Variants in SOX5 observed in about 807,000 individuals in gnomAD.
SOX5 encodes SRY-box transcription factor 5.
Under a neutral mutation model 92.0 loss-of-function variants are expected in SOX5, and 9 were observed. That is an observed-to-expected ratio of 0.10 (90% CI 0.06 to 0.17). The LOEUF (loss-of-function observed/expected upper bound fraction) is 0.17, where lower values mean the gene tolerates loss of function less well. SOX5 is among the 10% of genes least tolerant of loss of function. The pLI is 1.00. For synonymous variants in SOX5, 344 were observed against 336.3 expected, an observed-to-expected ratio of 1.02 and a Z score of -0.25; for missense variants, 642 against 944.5, an observed-to-expected ratio of 0.68 and a Z score of 4.20.
chr12:23,968,013 G>T (rs1185795947), intron 4 of SOX5, among the ~76,000 whole-genome samples: 5 of 152,110 alleles, frequency 3.3e-5, no homozygotes, highest in Admixed American at 6.5e-5. Context: ...ACCCTTTGAG[G>T]TAGGCACTCC....
At chr12:23,843,554 CTTTTTTTTTTTTTTTTT>C (rs71059931) in intron 3 of SOX5, among the ~76,000 whole-genome samples, 2 of 71,304 alleles carry the variant, frequency 2.8e-5, no homozygotes, top group African/African-American at 6.0e-5. Context: ...GTCATTTCTC[CTTTTTTTTTTTTTTTTT>C]TTTTTTTTTT....
chr12:24,281,191 C>T (rs1945145332), intron 2 of SOX5, among the ~76,000 whole-genome samples: 1 of 137,484 alleles, frequency 7.3e-6, no homozygotes, highest in Non-Finnish European at 1.5e-5. Flanking sequence ...ATTTCCAGTT[C>T]AGTTTTACTG....
intron 1 of SOX5, among the ~76,000 whole-genome samples, chr12:24,392,293 A>G (rs978303369): frequency 6.6e-6 from 1 of 152,110 alleles, no homozygotes; most frequent in African/African-American, 2.4e-5. Context: ...TGTTCATCTG[A>G]CCAAGTCACT....
intron 1 of SOX5, among the ~76,000 whole-genome samples, chr12:24,376,682 A>T (rs1957292254): frequency 8.1e-6 from 1 of 123,122 alleles, no homozygotes; most frequent in Non-Finnish European, 1.6e-5. Context: ...ATGCTATGGG[A>T]GAGATACCTT....
intron 4 of SOX5, among the ~76,000 whole-genome samples, chr12:24,188,283 A>T (rs1187382128): frequency 2.0e-5 from 3 of 152,218 alleles, no homozygotes; most frequent in Non-Finnish European, 4.4e-5. Flanking sequence ...TCCACAAGTG[A>T]CAAAGAGCCC....
intron 1 of SOX5, among the ~76,000 whole-genome samples, chr12:24,377,932 C>T (rs946447228): frequency 6.6e-6 from 1 of 152,130 alleles, no homozygotes; most frequent in Non-Finnish European, 1.5e-5. Flanking sequence ...AACAGCTTGG[C>T]AAGGAGAGCA....
At chr12:24,182,540 CA>C (rs567229879) in intron 4 of SOX5, among the ~76,000 whole-genome samples, 10 of 149,934 alleles carry the variant, frequency 6.7e-5, no homozygotes, top group Non-Finnish European at 1.3e-4. Flanking sequence ...TTGATGGAAC[CA>C]AAAAGAAAAA....
At chr12:24,188,960 C>A (rs1269340507) in intron 4 of SOX5, among the ~76,000 whole-genome samples, 1 of 152,112 alleles carries the variant, frequency 6.6e-6, no homozygotes, top group East Asian at 1.9e-4. Context: ...AAAATAATAT[C>A]CCATTACCTT....
At chr12:24,421,696 G>C (rs1419333974) in intron 1 of SOX5, among the ~76,000 whole-genome samples, 1 of 152,076 alleles carries the variant, frequency 6.6e-6, no homozygotes, top group African/African-American at 2.4e-5. Context: ...AATCAAATAT[G>C]ATACAAACGT....
intron 1 of SOX5, among the ~76,000 whole-genome samples, chr12:24,529,758 G>A (rs1951013122): frequency 1.3e-5 from 2 of 152,154 alleles, no homozygotes; most frequent in African/African-American, 4.8e-5. Context: ...GGTGGCTCAC[G>A]CCTGTAATCC....
chr12:24,185,863 T>C (rs982364730), intron 4 of SOX5, among the ~76,000 whole-genome samples: 2 of 152,178 alleles, frequency 1.3e-5, no homozygotes, highest in African/African-American at 4.8e-5. Flanking sequence ...TGGAAGGTAC[T>C]TAATAACATT....
At chr12:24,410,324 T>G (rs1441883784) in intron 1 of SOX5, among the ~76,000 whole-genome samples, 1 of 152,206 alleles carries the variant, frequency 6.6e-6, no homozygotes, top group East Asian at 1.9e-4. Context: ...TTCATTTTAA[T>G]GAAGTTCAGT....
chr12:24,306,783 T>TA (rs1210982837), intron 2 of SOX5, among the ~76,000 whole-genome samples: 1 of 152,134 alleles, frequency 6.6e-6, no homozygotes, highest in Non-Finnish European at 1.5e-5. Context: ...GCCACCCTTC[T>TA]ACTCCTACCC....
intron 1 of SOX5, among the ~76,000 whole-genome samples, chr12:23,934,305 T>C (rs1205640253): frequency 6.6e-6 from 1 of 151,100 alleles, no homozygotes; most frequent in African/African-American, 2.4e-5. Flanking sequence ...GTTTTAGTTT[T>C]AGAAATTCTC....
chr12:24,301,552 G>C (rs1947949936), intron 2 of SOX5, among the ~76,000 whole-genome samples: 1 of 152,158 alleles, frequency 6.6e-6, no homozygotes, highest in Non-Finnish European at 1.5e-5. Flanking sequence ...AAAGTTTCTA[G>C]CAATACTAGA....
intron 2 of SOX5, among the ~76,000 whole-genome samples, chr12:24,299,474 T>A (rs906375478): frequency 3.3e-5 from 5 of 152,176 alleles, no homozygotes; most frequent in African/African-American, 9.7e-5. Context: ...TCTGGGTATA[T>A]TAAAAGGCCT....
At chr12:23,633,528 G>T (rs1433632657) in intron 8 of SOX5, among the ~76,000 whole-genome samples, 1 of 151,834 alleles carries the variant, frequency 6.6e-6, no homozygotes, top group African/African-American at 2.4e-5. Flanking sequence ...CCTTTAAAAA[G>T]AGTCAGCATC....
chr12:24,112,939 T>C (rs1429464108), intron 4 of SOX5, among the ~76,000 whole-genome samples: 1 of 151,998 alleles, frequency 6.6e-6, no homozygotes, highest in Non-Finnish European at 1.5e-5. Flanking sequence ...TTTATTCTTA[T>C]TTTCCTTATC....
intron 4 of SOX5, among the ~76,000 whole-genome samples, chr12:23,976,559 G>C (rs1235767764): frequency 6.6e-6 from 1 of 152,054 alleles, no homozygotes; most frequent in Non-Finnish European, 1.5e-5. Context: ...CATTTGCTAA[G>C]ACTAGAAGTA....
Sources: gnomAD v4.1 joint callset for allele counts (sites outside exome capture counted in the v4.1 genomes callset) on GRCh38, gnomAD v4.1.1 for gene constraint, MANE v1.5 for transcripts, NCBI Gene and HGNC (gene_info 2026-07-23, HGNC 2026-07-21) for gene names.